The following ITPR2 variants were observed in gnomAD, a reference collection of about 807,000 sequenced individuals.
ITPR2 encodes inositol 1,4,5-trisphosphate receptor type 2.
Under a neutral mutation model 317.1 loss-of-function variants are expected in ITPR2, and 207 were observed. The observed-to-expected ratio is 0.65, with a 90% confidence interval of 0.58 to 0.73. ITPR2 has a LOEUF of 0.73. Among genes scored for constraint, ITPR2 ranks in the 30% least tolerant of loss-of-function variants. The probability of loss-of-function intolerance (pLI) is 0.00; values close to 1 mark genes in which losing one functional copy is unlikely to be tolerated. For synonymous variants in ITPR2, 1,156 were observed against 1,149.1 expected, an observed-to-expected ratio of 1.01 and a Z score of -0.12; for missense variants, 2,613 against 3,284.0, an observed-to-expected ratio of 0.80 and a Z score of 4.99.
chr12:26,593,759 A>G (rs1359947145), intron 32 of ITPR2, among the ~76,000 whole-genome samples: 1 of 152,066 alleles, frequency 6.6e-6, no homozygotes, highest in Non-Finnish European at 1.5e-5. Flanking sequence ...GTGTTTTTCA[A>G]AAAAAGAATG....
intron 10 of ITPR2, among the ~76,000 whole-genome samples, chr12:26,689,164 C>T (rs1268440002): frequency 2.0e-5 from 3 of 152,114 alleles, no homozygotes; most frequent in Non-Finnish European, 4.4e-5. Context: ...TGCCTATAAT[C>T]CTAGCACTTT....
At chr12:26,556,426 A>G (rs764784627) in intron 35 of ITPR2, 51 bp from the exon 36 acceptor site, 7 of 1,565,396 alleles carry the variant, frequency 4.5e-6, no homozygotes, top group Non-Finnish European at 6.1e-6. Context: ...GTCAGATTTC[A>G]TCTTTCGAAG....
chr12:26,486,071 A>G, intron 41 of ITPR2, 33 bp downstream of exon 41: 1 of 1,609,154 alleles, frequency 6.2e-7, no homozygotes, highest in East Asian at 2.2e-5. Flanking sequence ...CATAGGTTGT[A>G]TTCTCAGCTT....
At chr12:26,612,100 G>T (rs541627098) in intron 26 of ITPR2, among the ~76,000 whole-genome samples, 1 of 152,222 alleles carries the variant, frequency 6.6e-6, no homozygotes, top group East Asian at 1.9e-4. Context: ...GTATGGTAAT[G>T]GTATAATTTT....
Position 26,782,008 on chromosome 12 carries a change from ATATATATATATATATATATATATAT to A in ITPR2, c.163+8124_163+8148del, listed in dbSNP as rs1565759566. On this transcript the variant is annotated intron_variant, in intron 2 of 56. Transcript: ENST00000381340. ...AACTCCCCTGTATATATATATATAT[ATATATATATATATATATATATATAT>A]GTATAGAGAGAGAGAGAGAGAGAGA... Among the ~76,000 whole-genome samples, 210 of 28,322 alleles carry A rather than the reference ATATATATATATATATATATATATAT, an allele frequency of 7.4e-3. 4 individuals carry two copies. Among genetic ancestry groups the A allele is most frequent in the Admixed American group, 0.014 (26 of 1,800 alleles). 18.6% of individuals were successfully genotyped at this position (28,322 alleles called of 152,430 possible).
In ITPR2 at chr12:26,622,254, G is replaced by A. The variant is rs760808316; in HGVS notation, c.3274C>T (p.Gln1092Ter). Residue 1092 changes from glutamine to a stop codon, truncating the protein, a stop_gained, in exon 25 of 57, where the codon CAG (glutamine) becomes TAG (stop). Transcript: ENST00000381340. LOFTEE classifies it high-confidence loss of function. ...TTCAATCTTACCTGCTTAAATGCCT[G>A]TAAAACCTCTGCCCTCTGGCTGAAG... The part of the protein sequence containing the change: ...KHFSQRAEVL[Q>*]AFKQVQLLVS... 1.2e-5 allele frequency: 20 copies of A among 1,611,028 alleles called. No homozygotes were observed. The highest frequency in any genetic ancestry group is 1.5e-5 in the Non-Finnish European group (18 of 1,179,014).
chr12:26,784,342 T>C (rs766177888), intron 2 of ITPR2, among the ~76,000 whole-genome samples: 15 of 53,394 alleles, frequency 2.8e-4, no homozygotes, highest in Non-Finnish European at 3.5e-4. Context: ...CCTCTCCCTC[T>C]CCCTCTCCCT....
At chr12:26,802,562 T>TATATAG (rs1266487584) in intron 1 of ITPR2, among the ~76,000 whole-genome samples, 12 of 62,516 alleles carry the variant, frequency 1.9e-4, no homozygotes, top group Non-Finnish European at 3.1e-4. Flanking sequence ...TATATATCTA[T>TATATAG]ATATAGATAT....
intron 55 of ITPR2, among the ~76,000 whole-genome samples, chr12:26,348,333 G>A (rs979373657): frequency 1.3e-5 from 2 of 152,138 alleles, no homozygotes; most frequent in African/African-American, 4.8e-5. Flanking sequence ...TTGGTTATGG[G>A]GCGTGGTTAT....
chr12:26,657,120 GGC>G (rs1947387530), intron 18 of ITPR2, among the ~76,000 whole-genome samples: 1 of 152,160 alleles, frequency 6.6e-6, no homozygotes, highest in Non-Finnish European at 1.5e-5. Flanking sequence ...GGCCCAACTT[GGC>G]CCCAAGGCTT....
chr12:26,751,447 AG>A (rs1253861138), intron 2 of ITPR2, among the ~76,000 whole-genome samples: 2 of 152,176 alleles, frequency 1.3e-5, no homozygotes, highest in African/African-American at 2.4e-5. Flanking sequence ...CCAGCGTTGT[AG>A]CCTTGAGGCC....
intron 50 of ITPR2, 48 bp from the exon 51 acceptor site, chr12:26,415,546 A>G: frequency 7.9e-7 from 1 of 1,271,252 alleles, no homozygotes; most frequent in African/African-American, 1.5e-5. Context: ...CATTGGAGGA[A>G]AAGGTGAACA....
rs1433757482 is a variant in ITPR2, at chr12:26,411,207, TA to T, written c.7399+112del. The T allele has an allele frequency of 2.1e-4, 144 of 690,320 alleles. No homozygotes were observed. In the East Asian group the frequency reaches 4.0e-3, roughly 19 times the overall value. The allele number at this position is 690,320 out of a possible 1,614,324, so 42.8% of individuals were successfully genotyped here. A position where few individuals can be genotyped will look rare whatever the true frequency, so the allele number is the denominator to read the frequency against. On this transcript the variant is annotated intron_variant, in intron 52 of 56. Coordinates refer to ENST00000381340, the MANE Select transcript of ITPR2 (RefSeq NM_002223.4). Reference sequence around the variant, plus strand: ...TTGGTTCTTTTACTCTCTATTCTTCTATTTCAATCCATCATGAAATTTGTAG... The same window carrying T: ...TTGGTTCTTTTACTCTCTATTCTTCTTTTCAATCCATCATGAAATTTGTAG...
intron 49 of ITPR2, among the ~76,000 whole-genome samples, chr12:26,423,804 A>G (rs951342509): frequency 3.9e-5 from 6 of 152,206 alleles, no homozygotes; most frequent in Non-Finnish European, 8.8e-5. Context: ...GTGCTTTATA[A>G]TGAGAAAAAA....
chr12:26,403,868 C>T (rs1046822647), intron 52 of ITPR2, among the ~76,000 whole-genome samples: 1 of 152,002 alleles, frequency 6.6e-6, no homozygotes, highest in Non-Finnish European at 1.5e-5. Flanking sequence ...GCAAATAAAC[C>T]AGTAAGTATG....
chr12:26,807,864 C>A (rs1461941904), intron 1 of ITPR2, among the ~76,000 whole-genome samples: 4 of 152,164 alleles, frequency 2.6e-5, no homozygotes, highest in Non-Finnish European at 5.9e-5. Context: ...TTAGAGATTT[C>A]TCTTTCCCAA....
chr12:26,435,263 ACTACG>A lies in ITPR2; in HGVS notation c.6769+953_6769+957del, dbSNP rs1435050704. 2.0e-5 allele frequency among the ~76,000 whole-genome samples: 3 copies of A among 152,214 alleles called. No homozygotes were observed. The East Asian group carries it at 5.8e-4, about 29-fold the overall frequency. On this transcript the variant is annotated intron_variant, in intron 48 of 56. Transcript: ENST00000381340. ...GTTGCTCTTATCATACTCTCTTTCC[ACTACG>A]CTTCCTTATGTAGTACAAATATGTA...
intron 45 of ITPR2, among the ~76,000 whole-genome samples, chr12:26,447,541 A>C (rs112668271): frequency 6.6e-6 from 1 of 151,470 alleles, no homozygotes; most frequent in Non-Finnish European, 1.5e-5. Flanking sequence ...AAATCAAGAA[A>C]TATGCTTTGA....
chr12:26,366,113 G>C (rs1479795368), intron 55 of ITPR2, among the ~76,000 whole-genome samples: 2 of 152,078 alleles, frequency 1.3e-5, no homozygotes, highest in Non-Finnish European at 2.9e-5. Flanking sequence ...TCATGAAACA[G>C]TGTAGCCTGC....
Sources: allele counts gnomAD v4.1 joint callset (sites outside exome capture counted in the v4.1 genomes callset), GRCh38; gene constraint gnomAD v4.1.1; transcripts MANE v1.5; gene names NCBI Gene and HGNC (gene_info 2026-07-23, HGNC 2026-07-21).